FNIP2: variants seen among roughly 807,000 people sequenced by gnomAD.
The protein encoded by FNIP2 is folliculin-interacting protein 2.
In FNIP2, 32 loss-of-function variants were observed where a neutral mutation model predicts 108.7. That is an observed-to-expected ratio of 0.29 (90% CI 0.22 to 0.40). FNIP2 has a LOEUF of 0.40. Among genes scored for constraint, FNIP2 ranks in the 10% least tolerant of loss-of-function variants. The probability of loss-of-function intolerance (pLI) is 1.00; values close to 1 mark genes in which losing one functional copy is unlikely to be tolerated. For missense variants in FNIP2, 1,202 were observed against 1,381.6 expected (o/e 0.87, Z 2.06); for synonymous variants, 480 against 496.7 (o/e 0.97, Z 0.45).
At position 158,831,949 on chromosome 4, in the gene FNIP2, T is replaced by C; in HGVS notation, c.470T>C (p.Ile157Thr). 1 of 1,610,106 alleles carries C rather than the reference T, an allele frequency of 6.2e-7. No individual in the cohort carries two copies. The highest frequency in any genetic ancestry group is 8.5e-7 in the Non-Finnish European group (1 of 1,177,530). The change falls in exon 4 of 17, where the codon ATA becomes ACA. Residue 157 changes from isoleucine to threonine, a missense_variant. This residue lies in a region of FNIP2 where 878 missense variants were observed against 990.3 expected (regional missense o/e 0.89). Coordinates refer to ENST00000264433, the MANE Select transcript of FNIP2 (RefSeq NM_020840.3). ...AGTTACAAAGGCTCCACCTTAAAGATACACTACATACGGTGAGTCTGGGCT... is the reference window on the plus strand; with the variant it reads ...AGTTACAAAGGCTCCACCTTAAAGACACACTACATACGGTGAGTCTGGGCT... ...AMSYKGSTLKIHYIRSPPQLM... is the reference protein window; with the variant it reads ...AMSYKGSTLKTHYIRSPPQLM...
intron 7 of FNIP2, among the ~76,000 whole-genome samples, chr4:158,840,020 G>T (rs1779035527): frequency 6.6e-6 from 1 of 152,132 alleles, no homozygotes; most frequent in Non-Finnish European, 1.5e-5. Flanking sequence ...TTATTCTAGT[G>T]GTTCCCATTA....
rs1355928981 is a variant in FNIP2, at chr4:158,858,725, A to G, written c.858-332A>G. ...ATGTCTTATCTATTGGTATCTGACT[A>G]TGTTTTGGATAAACAGATATTTCAC... is the stretch of plus-strand genomic sequence containing the variant. On this transcript the variant is annotated intron_variant, in intron 8 of 16. Transcript: ENST00000264433. Among the ~76,000 whole-genome samples, 3 of 152,204 alleles carry G rather than the reference A, an allele frequency of 2.0e-5. 1 individual carries two copies. Among genetic ancestry groups the G allele is most frequent in the South Asian group, 4.1e-4 (2 of 4,832 alleles).
chr4:158,817,959 C>T (rs1777667691), intron 1 of FNIP2, among the ~76,000 whole-genome samples: 1 of 152,250 alleles, frequency 6.6e-6, no homozygotes, highest in African/African-American at 2.4e-5. Context: ...CCGTGCAGTG[C>T]TCCGCTATTT....
intron 7 of FNIP2, among the ~76,000 whole-genome samples, chr4:158,846,436 G>T (rs1412297696): frequency 6.6e-6 from 1 of 152,086 alleles, no homozygotes; most frequent in Non-Finnish European, 1.5e-5. Context: ...AGATGAGAGA[G>T]CTGACACGTT....
chr4:158,857,733 AG>A (rs1262445133), intron 8 of FNIP2, among the ~76,000 whole-genome samples: 2 of 151,138 alleles, frequency 1.3e-5, no homozygotes, highest in Non-Finnish European at 2.9e-5. Context: ...ACTTGAGCCC[AG>A]GAGTTCAAGA....
intron 1 of FNIP2, among the ~76,000 whole-genome samples, chr4:158,818,309 T>C (rs1464561399): frequency 1.3e-5 from 2 of 152,238 alleles, no homozygotes; most frequent in Non-Finnish European, 2.9e-5. Flanking sequence ...ACTAACCTAC[T>C]TACACATAAA....
intron 1 of FNIP2, among the ~76,000 whole-genome samples, chr4:158,814,113 T>A (rs912585251): frequency 6.6e-6 from 1 of 152,168 alleles, no homozygotes; most frequent in African/African-American, 2.4e-5. Context: ...CTTCTTCTTT[T>A]AAGAGATGGA....
chr4:158,868,441 CAG>C lies in FNIP2; in HGVS notation c.1808_1809del (p.Glu603GlyfsTer3). 5.6e-6 allele frequency: 9 copies of C among 1,614,012 alleles called. No individual in the cohort carries two copies. Among genetic ancestry groups the C allele is most frequent in the Non-Finnish European group, 7.6e-6 (9 of 1,179,884 alleles). On this transcript the variant is annotated frameshift_variant, in exon 13 of 17. Transcript: ENST00000264433. LOFTEE classifies it high-confidence loss of function. The surrounding 1 kb of genome is among the most constrained non-coding windows in gnomAD (Gnocchi z 4.6). ...TGGCCGACAGGGTTTCCTGAGTGCC[CAG>C]AGGGCACTGACAGTAGAGACCTGGG... is the stretch of plus-strand genomic sequence containing the variant.
intron 14 of FNIP2, among the ~76,000 whole-genome samples, chr4:158,875,008 A>G (rs1781181387): frequency 6.7e-6 from 1 of 149,926 alleles, no homozygotes; most frequent in Non-Finnish European, 1.5e-5. Context: ...AATTGCTTGA[A>G]CTCGGGAGGC....
At chr4:158,806,170 C>G in intron 1 of FNIP2, 1 of 1,251,040 alleles carries the variant, frequency 8.0e-7, no homozygotes, top group Non-Finnish European at 1.0e-6. Flanking sequence ...CCTCACATAA[C>G]AAAGGAACTT....
chr4:158,815,866 A>G (rs1332696572), intron 1 of FNIP2, among the ~76,000 whole-genome samples: 3 of 152,250 alleles, frequency 2.0e-5, no homozygotes, highest in South Asian at 2.1e-4. Context: ...AGTTTATTAC[A>G]TACTTACCTA....
chr4:158,845,633 A>G (rs546364257), intron 7 of FNIP2, among the ~76,000 whole-genome samples: 1 of 152,354 alleles, frequency 6.6e-6, no homozygotes, highest in South Asian at 2.1e-4. Context: ...CATGCATTGC[A>G]TCAGAAGGCC....
chr4:158,863,835 A>C (rs1462435264), intron 12 of FNIP2, among the ~76,000 whole-genome samples: 2 of 152,176 alleles, frequency 1.3e-5, no homozygotes, highest in Admixed American at 6.5e-5. Context: ...TTTTGACCTA[A>C]TGATCTTAAG....
chr4:158,868,212 C>T lies in FNIP2; in HGVS notation c.1576C>T (p.Arg526Cys). Residue 526 changes from arginine to cysteine, a missense_variant, in exon 13 of 17, where the codon CGT becomes TGT. Transcript: ENST00000264433. This position sits in a 1 kb window ranked among gnomAD's most constrained non-coding sequence, Gnocchi z 4.6. ...RILYVLTYFL[R>C]CSELQENQLT... ...ACTTTATGTCCTGACCTACTTTCTC[C>T]GTTGCTCTGAGCTACAAGAGAACCA... 1.2e-6 allele frequency: 2 copies of T among 1,614,068 alleles called. No homozygotes were observed. Among genetic ancestry groups the T allele is most frequent in the Non-Finnish European group, 1.7e-6 (2 of 1,179,900 alleles).
rs867590074 is a variant in FNIP2, at chr4:158,889,794, G to C, written c.2950-1652G>C. On this transcript the variant is annotated intron_variant, in intron 14 of 16. Coordinates refer to ENST00000264433, the MANE Select transcript of FNIP2 (RefSeq NM_020840.3). Reference sequence around the variant, plus strand: ...AGCTCAAAATACAAATATTTGAAGTGTTCAAATTTCCTTTTTTTTTTTTTT... The same window carrying C: ...AGCTCAAAATACAAATATTTGAAGTCTTCAAATTTCCTTTTTTTTTTTTTT... 1.1e-5 allele frequency: 11 copies of C among 972,286 alleles called. No homozygotes were observed. In the South Asian group the frequency reaches 4.3e-4, roughly 38 times the overall value. The allele number at this position is 972,286 out of a possible 1,614,324, so 60.2% of individuals were successfully genotyped here.
At chr4:158,869,890 G>C (rs753573851) in intron 13 of FNIP2, among the ~76,000 whole-genome samples, 99 of 152,228 alleles carry the variant, frequency 6.5e-4, no homozygotes, top group Non-Finnish European at 1.2e-3. Context: ...CACTCCATCA[G>C]GTTGATTATT....
chr4:158,869,415 C>T lies in FNIP2; in HGVS notation c.2779C>T (p.Leu927=), dbSNP rs1401692963. The T allele has an allele frequency of 6.3e-7, 1 of 1,599,634 alleles. No homozygotes were observed. Among genetic ancestry groups the T allele is most frequent in the Non-Finnish European group, 8.5e-7 (1 of 1,174,300 alleles). The part of the protein sequence containing the change: ...DRTGGSLEVE[L]PLPRSQSIST... Reference sequence around the variant, plus strand: ...GACTGGAGGGTCCTTGGAAGTGGAGCTGCCTCTGCCAAGGTAACTCCAGCA... The same window carrying T: ...GACTGGAGGGTCCTTGGAAGTGGAGTTGCCTCTGCCAAGGTAACTCCAGCA... The change falls in exon 13 of 17, where the codon CTG becomes TTG. Residue 927 remains leucine (L), a synonymous_variant. Transcript: ENST00000264433.
At chr4:158,862,819 T>G (rs6817719) in intron 12 of FNIP2, among the ~76,000 whole-genome samples, 149,124 of 152,278 alleles carry the variant, frequency 0.98, 73,089 homozygotes, top group East Asian at 1. Context: ...TGAAAAAAAC[T>G]TAGTCTCATT....
chr4:158,830,327 A>G (rs1778406625), intron 3 of FNIP2, among the ~76,000 whole-genome samples: 2 of 137,222 alleles, frequency 1.5e-5, no homozygotes, highest in East Asian at 2.1e-4. Context: ...CAGTGGCGCA[A>G]TCTCGGCTCA....
Sources: allele counts gnomAD v4.1 joint callset (sites outside exome capture counted in the v4.1 genomes callset), GRCh38; gene constraint gnomAD v4.1.1; regional missense constraint gnomAD v4.1.1; non-coding constraint Gnocchi (gnomAD v3.1); transcripts MANE v1.5; gene names NCBI Gene and HGNC (gene_info 2026-07-23, HGNC 2026-07-21).